HCN2: variants seen among roughly 807,000 people sequenced by gnomAD.
The protein encoded by HCN2 is hyperpolarization activated cyclic nucleotide gated potassium and sodium channel 2, also known as potassium/sodium hyperpolarization-activated cyclic nucleotide-gated channel 2.
In HCN2, 20 loss-of-function variants were observed where a neutral mutation model predicts 52.3. The observed-to-expected ratio is 0.38, with a 90% CI of 0.27 to 0.56. HCN2 has a LOEUF of 0.56. HCN2 is among the 20% of genes least tolerant of loss of function. The pLI is 0.71. For synonymous variants in HCN2, 694 were observed against 537.0 expected (o/e 1.29, Z -4.04); for missense variants, 981 against 1,207.7 (o/e 0.81, Z 2.78).
intron 1 of HCN2, among the ~76,000 whole-genome samples, chr19:597,339 G>A (rs767162837): frequency 4.6e-5 from 7 of 152,244 alleles, no homozygotes; most frequent in Admixed American, 3.9e-4. Flanking sequence ...TCAGAGGGGA[G>A]GTGTGGTACC....
chr19:596,413 G>A (rs995846098), intron 1 of HCN2, among the ~76,000 whole-genome samples: 6 of 152,138 alleles, frequency 3.9e-5, no homozygotes, highest in Admixed American at 6.5e-5. Context: ...AGCTGAGGCC[G>A]GAAGGTTTCC....
chr19:611,814 A>G (rs1001467772), intron 5 of HCN2, among the ~76,000 whole-genome samples: 15 of 152,180 alleles, frequency 9.9e-5, no homozygotes, highest in Non-Finnish European at 2.2e-4. Context: ...CTACTTAGTC[A>G]TTATTTAGGT....
intron 1 of HCN2, among the ~76,000 whole-genome samples, chr19:599,847 C>CGTGTGTGT (rs34793549): frequency 0.016 from 2,092 of 133,336 alleles, 37 homozygotes; most frequent in Non-Finnish European, 0.021. Context: ...GAAGGGGTCC[C>CGTGTGTGT]GTGTGTGTGT....
intron 3 of HCN2, 130 bp from the exon 4 acceptor site, chr19:607,834 G>A (rs1056167142): frequency 7.6e-6 from 5 of 653,984 alleles, no homozygotes; most frequent in Non-Finnish European, 1.3e-5. Context: ...CATTTCTCTT[G>A]GTTACCTCTG....
chr19:602,728 C>T (rs1010064751), intron 1 of HCN2, among the ~76,000 whole-genome samples: 1 of 152,226 alleles, frequency 6.6e-6, no homozygotes, highest in African/African-American at 2.4e-5. Context: ...GCACATTGTC[C>T]CTCTCTGGTC....
At chr19:606,143 A>G (rs10424225) in intron 3 of HCN2, among the ~76,000 whole-genome samples, 29,429 of 151,960 alleles carry the variant, frequency 0.19, 3,596 homozygotes, top group Admixed American at 0.31. Context: ...TCTGTCGCCC[A>G]GGCTGGAGTG....
At chr19:603,269 G>T (rs1983276176) in intron 1 of HCN2, among the ~76,000 whole-genome samples, 1 of 141,218 alleles carries the variant, frequency 7.1e-6, no homozygotes, top group African/African-American at 2.7e-5. Flanking sequence ...GTGCCTGGGG[G>T]GAAGGCACCA....
Position 616,589 on chromosome 19 carries a change from A to G in HCN2, c.*115A>G. On this transcript the variant is annotated 3_prime_UTR_variant, in exon 8 of 8. Transcript: ENST00000251287. ...AGTCCGCCCAGAAGCCATAGACGAG[A>G]CGTAGGTAGCCGTAGTTGGACGGAC... The G allele has an allele frequency of 1.7e-6, 1 of 604,586 alleles. No homozygotes were observed. Among genetic ancestry groups the G allele is most frequent in the African/African-American group, 2.0e-5 (1 of 49,724 alleles). 37.5% of individuals were successfully genotyped at this position (604,586 alleles called of 1,614,324 possible). A position where few individuals can be genotyped will look rare whatever the true frequency, so the allele number is the denominator to read the frequency against.
In HCN2 at chr19:616,984, AGCACTG is replaced by A. The variant is rs1465192969; in HGVS notation, c.*515_*520del. On this transcript the variant is annotated 3_prime_UTR_variant, in exon 8 of 8. Transcript: ENST00000251287. ...GGGGAGCAGCACCCCGCCTCCCTCCAGCACTGGCACCGAGAGGCAGGCCTGGCTGCG... is the reference window on the plus strand; with the variant it reads ...GGGGAGCAGCACCCCGCCTCCCTCCAGCACCGAGAGGCAGGCCTGGCTGCG... 1 of 479,522 alleles carries A rather than the reference AGCACTG, an allele frequency of 2.1e-6. No homozygotes were observed. The highest frequency in any genetic ancestry group is 2.0e-5 in the African/African-American group (1 of 50,618). The allele number at this position is 479,522 out of a possible 1,614,324, so 29.7% of individuals were successfully genotyped here.
At position 616,007 on chromosome 19, in the gene HCN2, G is replaced by A. The variant is rs771136359; in HGVS notation, c.2203G>A (p.Ala735Thr). Residue 735 changes from alanine (A) to threonine (T), a missense_variant, in exon 8 of 8, where the codon GCC becomes ACC. Coordinates refer to ENST00000251287, the MANE Select transcript of HCN2 (RefSeq NM_001194.4). Reference sequence around the variant, plus strand: ...CATCGCCACGCTGCAGCAGGCGGCGGCCATGAGCTTCTGCCCGCAGGTGGC... The same window carrying A: ...CATCGCCACGCTGCAGCAGGCGGCGACCATGAGCTTCTGCCCGCAGGTGGC... The part of the protein sequence containing the change: ...SAIATLQQAA[A>T]MSFCPQVARP... 2.7e-5 allele frequency: 41 copies of A among 1,509,544 alleles called. No homozygotes were observed. The highest frequency in any genetic ancestry group is 3.3e-5 in the Non-Finnish European group (37 of 1,136,740). The allele number at this position is 1,509,544 out of a possible 1,614,324, so 93.5% of individuals were successfully genotyped here. A position where few individuals can be genotyped will look rare whatever the true frequency, so the allele number is the denominator to read the frequency against.
At chr19:603,408 G>A (rs1256124083) in intron 1 of HCN2, 136 bp from the exon 2 acceptor site, 2 of 656,174 alleles carry the variant, frequency 3.0e-6, no homozygotes, top group Non-Finnish European at 5.2e-6. Flanking sequence ...CCCGGGGCTG[G>A]TCCCGCAGGC....
rs917949180 is a variant in HCN2 at position 616,233 on chromosome 19, C to T, written c.2429C>T (p.Ala810Val). The change falls in exon 8 of 8, where the codon GCG becomes GTG. Residue 810 changes from alanine to valine, a missense_variant. By Grantham distance (64) the Ala-to-Val change is moderately conservative. This residue lies in a region of HCN2 where 368 missense variants were observed against 314.8 expected (regional missense o/e 1.17). Coordinates refer to ENST00000251287, the MANE Select transcript of HCN2 (RefSeq NM_001194.4). ...AAPLAGPALP[A>V]RRLSRASRPL... is the part of the protein sequence containing the mutation. ...CCCCTTGCTGGGCCCGCCCTGCCCG[C>T]GCGCCGCCTGAGCCGCGCGTCGCGC... The T allele has an allele frequency of 4.0e-6, 4 of 995,358 alleles. No individual in the cohort carries two copies. The African/African-American group carries it at 7.0e-5, about 18-fold the overall frequency. 61.7% of individuals were successfully genotyped at this position (995,358 alleles called of 1,614,324 possible).
At position 598,372 on chromosome 19, in the gene HCN2, T is replaced by G. The variant is rs529752151; in HGVS notation, c.633-5172T>G. On this transcript the variant is annotated intron_variant, in intron 1 of 7. Coordinates refer to ENST00000251287, the MANE Select transcript of HCN2 (RefSeq NM_001194.4). ...CCCAGGCTGGAGTGCAATGGTGCAGTTTTGGCTCACTGCAGCCTCGACTTC... is the reference window on the plus strand; with the variant it reads ...CCCAGGCTGGAGTGCAATGGTGCAGGTTTGGCTCACTGCAGCCTCGACTTC... 2.0e-5 allele frequency among the ~76,000 whole-genome samples: 3 copies of G among 151,560 alleles called. No individual in the cohort carries two copies. The East Asian group carries it at 5.8e-4, about 29-fold the overall frequency.
rs1474542262 is a variant in HCN2, at chr19:592,060, G to A, written c.632+1483G>A. On this transcript the variant is annotated intron_variant, in intron 1 of 7. Transcript: ENST00000251287. This position sits in a 1 kb window ranked among gnomAD's most constrained non-coding sequence, Gnocchi z 4.8. Reference sequence around the variant, plus strand: ...CCTGCCTCTGTGCCCCACCGGGAGAGCTTGGTCAGCATCTGGGCTCTGGCC... The same window carrying A: ...CCTGCCTCTGTGCCCCACCGGGAGAACTTGGTCAGCATCTGGGCTCTGGCC... Among the ~76,000 whole-genome samples, 1 of 152,338 alleles carries A rather than the reference G, an allele frequency of 6.6e-6. No homozygotes were observed. Among genetic ancestry groups the A allele is most frequent in the African/African-American group, 2.4e-5 (1 of 41,584 alleles).
intron 3 of HCN2, 76 bp from the exon 4 acceptor site, chr19:607,888 C>T (rs1006398300): frequency 1.9e-5 from 21 of 1,117,930 alleles, no homozygotes; most frequent in South Asian, 6.9e-5. Context: ...AGAGGGTGGG[C>T]GCTGGGCCCT....
chr19:599,291 C>G (rs374188519), intron 1 of HCN2, among the ~76,000 whole-genome samples: 1 of 152,238 alleles, frequency 6.6e-6, no homozygotes. Context: ...CTCGAGGAGC[C>G]GTCCAGAAGC....
chr19:611,010 C>T (rs1001637474), intron 5 of HCN2, among the ~76,000 whole-genome samples: 1 of 152,196 alleles, frequency 6.6e-6, no homozygotes, highest in African/African-American at 2.4e-5. Context: ...CTGATCTCTG[C>T]CTCCATCTGC....
chr19:600,292 C>T (rs945847212), intron 1 of HCN2, among the ~76,000 whole-genome samples: 13 of 152,198 alleles, frequency 8.5e-5, no homozygotes, highest in Admixed American at 1.3e-4. Context: ...CCTGCTTCAG[C>T]GTCCCGAGTA....
chr19:614,092 C>T, intron 7 of HCN2, 76 bp downstream of exon 7: 2 of 595,088 alleles, frequency 3.4e-6, no homozygotes, highest in African/African-American at 4.6e-5. Context: ...AGGAGAGTGG[C>T]TTGGACAGTG....
Sources: allele counts gnomAD v4.1 joint callset (sites outside exome capture counted in the v4.1 genomes callset), GRCh38; gene constraint gnomAD v4.1.1; regional missense constraint gnomAD v4.1.1; non-coding constraint Gnocchi (gnomAD v3.1); transcripts MANE v1.5; gene names NCBI Gene and HGNC (gene_info 2026-07-23, HGNC 2026-07-21).